Variants in UTRN observed in about 807,000 individuals in gnomAD.
The protein encoded by UTRN is utrophin.
In UTRN, 283 loss-of-function variants were observed where a neutral mutation model predicts 463.9. That is an observed-to-expected ratio of 0.61 (90% confidence interval 0.55 to 0.67). UTRN has a LOEUF of 0.67. UTRN is among the 30% of genes least tolerant of loss of function. The pLI is 0.00. For missense variants in UTRN, 3,922 were observed against 4,084.3 expected, an observed-to-expected ratio of 0.96 and a Z score of 1.08; for synonymous variants, 1,442 against 1,431.5, an observed-to-expected ratio of 1.01 and a Z score of -0.17.
rs781741743 is a variant in UTRN, at chr6:144,493,423, C to T, written c.4560C>T (p.Ser1520=). The change falls in exon 33 of 75, where the codon TCC becomes TCT. Residue 1520 remains serine, a synonymous_variant. Transcript: ENST00000367545. ...AAGGGATGGATGAGCAGCTGACTTC[C>T]CTGAAGGTTCTTTACAATGACCTGG... ...NPKGMDEQLT[S]LKVLYNDLGA... The T allele has an allele frequency of 3.1e-6, 5 of 1,613,914 alleles. No individual in the cohort carries two copies. The highest frequency in any genetic ancestry group is 4.2e-6 in the Non-Finnish European group (5 of 1,179,888).
intron 54 of UTRN, among the ~76,000 whole-genome samples, chr6:144,732,263 C>T (rs201816893): frequency 0.05 from 4,862 of 97,366 alleles, 299 homozygotes; most frequent in African/African-American, 0.19. Context: ...TATATACACA[C>T]ATATATATAT....
intron 23 of UTRN, among the ~76,000 whole-genome samples, chr6:144,469,605 G>A (rs900276593): frequency 1.3e-5 from 2 of 151,994 alleles, no homozygotes; most frequent in African/African-American, 2.4e-5. Flanking sequence ...TTTTAGTAGT[G>A]AAAATATTAT....
intron 51 of UTRN, among the ~76,000 whole-genome samples, chr6:144,580,911 C>G (rs963033733): frequency 6.6e-6 from 1 of 152,110 alleles, no homozygotes; most frequent in African/African-American, 2.4e-5. Context: ...TAATAATTAC[C>G]AGAAAGGAGA....
chr6:144,389,430 C>T (rs1056268823), intron 2 of UTRN, among the ~76,000 whole-genome samples: 3 of 152,114 alleles, frequency 2.0e-5, no homozygotes, highest in African/African-American at 7.2e-5. Flanking sequence ...GAGTATGCTG[C>T]TAATCTCTCA....
intron 2 of UTRN, among the ~76,000 whole-genome samples, chr6:144,304,995 G>C (rs887715636): frequency 4.0e-5 from 6 of 150,746 alleles, no homozygotes; most frequent in African/African-American, 1.5e-4. Flanking sequence ...GCAATGGCGC[G>C]ATCTCGGCTC....
intron 65 of UTRN, among the ~76,000 whole-genome samples, chr6:144,816,096 G>A (rs1779050069): frequency 6.6e-6 from 1 of 152,164 alleles, no homozygotes; most frequent in African/African-American, 2.4e-5. Flanking sequence ...TTTGTAGGAG[G>A]TTATCAAGAG....
chr6:144,677,861 GC>G (rs1333870576), intron 51 of UTRN, among the ~76,000 whole-genome samples: 1 of 152,130 alleles, frequency 6.6e-6, no homozygotes, highest in African/African-American at 2.4e-5. Context: ...GTGCTGATGA[GC>G]TTTTTTTCAT....
At position 144,548,966 on chromosome 6, in the gene UTRN, A is replaced by G. The variant is rs564379095; in HGVS notation, c.6810+112A>G. ...AACTATGAGAGAATGAGGTTTAAAA[A>G]ATTCTGTATCTGTCAAACAACCATT... On this transcript the variant is annotated intron_variant, in intron 47 of 74. Coordinates refer to ENST00000367545, the MANE Select transcript of UTRN (RefSeq NM_007124.3). 4 of 1,117,882 alleles carry G rather than the reference A, an allele frequency of 3.6e-6. No homozygotes were observed. The South Asian group carries it at 6.6e-5, about 18-fold the overall frequency. The allele number at this position is 1,117,882 out of a possible 1,614,324, so 69.2% of individuals were successfully genotyped here.
chr6:144,708,468 G>T, intron 53 of UTRN: 1 of 581,650 alleles, frequency 1.7e-6, no homozygotes, highest in Non-Finnish European at 3.0e-6. Flanking sequence ...GACTCCTCAC[G>T]CCTTCATCCC....
intron 2 of UTRN, among the ~76,000 whole-genome samples, chr6:144,391,706 A>G (rs1279735954): frequency 6.6e-6 from 1 of 152,162 alleles, no homozygotes; most frequent in Non-Finnish European, 1.5e-5. Flanking sequence ...CAGTGGTGCA[A>G]TCTCGGCTCA....
At chr6:144,732,239 CATATATATATATATAT>C (rs71810800) in intron 54 of UTRN, among the ~76,000 whole-genome samples, 1 of 116,062 alleles carries the variant, frequency 8.6e-6, no homozygotes, top group East Asian at 4.2e-4. Flanking sequence ...TATATATATA[CATATATATATATATAT>C]ATACACACAT....
chr6:144,605,519 A>C (rs1804749387), intron 51 of UTRN, among the ~76,000 whole-genome samples: 1 of 151,824 alleles, frequency 6.6e-6, no homozygotes, highest in African/African-American at 2.4e-5. Flanking sequence ...CTTTTCCATT[A>C]CCATTCAGTT....
chr6:144,338,487 C>T (rs1056652661), intron 2 of UTRN, among the ~76,000 whole-genome samples: 2 of 152,056 alleles, frequency 1.3e-5, no homozygotes, highest in South Asian at 2.1e-4. Flanking sequence ...TCTTGGGTGC[C>T]GTGTAGTTGA....
intron 41 of UTRN, among the ~76,000 whole-genome samples, chr6:144,526,865 C>G (rs759323022): frequency 1.5e-4 from 23 of 151,318 alleles, no homozygotes; most frequent in Non-Finnish European, 3.1e-4. Flanking sequence ...GGCATGATCT[C>G]GGCTTACTGC....
At chr6:144,461,372 A>G in intron 22 of UTRN, 30 bp downstream of exon 22, 1 of 1,463,206 alleles carries the variant, frequency 6.8e-7, no homozygotes, top group South Asian at 1.5e-5. Context: ...TTAGAACTCT[A>G]GCGCTTCTTC....
intron 2 of UTRN, among the ~76,000 whole-genome samples, chr6:144,303,540 C>G (rs1805479250): frequency 6.6e-6 from 1 of 152,194 alleles, no homozygotes; most frequent in South Asian, 2.1e-4. Flanking sequence ...AAGTTGACTA[C>G]TGCTGTTTTT....
At position 144,339,528 on chromosome 6, in the gene UTRN, G is replaced by A. The variant is rs112678690; in HGVS notation, c.79+47621G>A. Among the ~76,000 whole-genome samples, 696 of 152,064 alleles carry A rather than the reference G, an allele frequency of 4.6e-3. 7 individuals are homozygous for A. Among genetic ancestry groups the A allele is most frequent in the African/African-American group, 0.015 (634 of 41,448 alleles). ...GTAATATTTGAGGAAGTTGGATGAA[G>A]GGAACATGAGAACTCTGTGTACTCT... is the stretch of plus-strand genomic sequence containing the variant. On this transcript the variant is annotated intron_variant, in intron 2 of 74. Coordinates refer to ENST00000367545, the MANE Select transcript of UTRN (RefSeq NM_007124.3).
chr6:144,349,650 A>G (rs1777937208), intron 2 of UTRN, among the ~76,000 whole-genome samples: 1 of 152,202 alleles, frequency 6.6e-6, no homozygotes, highest in South Asian at 2.1e-4. Context: ...CTTGAAATAT[A>G]TTTAAGCTGA....
intron 51 of UTRN, among the ~76,000 whole-genome samples, chr6:144,677,465 A>G (rs1781749982): frequency 6.6e-6 from 1 of 152,056 alleles, no homozygotes; most frequent in Admixed American, 6.6e-5. Context: ...TTATGGCTGT[A>G]TAGTATTCCA....
Sources: allele counts gnomAD v4.1 joint callset (sites outside exome capture counted in the v4.1 genomes callset), GRCh38; gene constraint gnomAD v4.1.1; transcripts MANE v1.5; gene names NCBI Gene and HGNC (gene_info 2026-07-23, HGNC 2026-07-21).